GRIK4: variants seen among roughly 807,000 people sequenced by gnomAD.
GRIK4 encodes the protein glutamate ionotropic receptor kainate type subunit 4.
A neutral mutation model predicts 104.9 loss-of-function variants in GRIK4; 40 were observed. That is an observed-to-expected ratio of 0.38 (90% CI 0.30 to 0.50). GRIK4 has a LOEUF of 0.50. Ranked by LOEUF, GRIK4 falls within the 20% of genes least tolerant of loss-of-function variation. GRIK4 has a pLI of 0.93. For missense variants in GRIK4, 1,047 were observed against 1,308.1 expected, an observed-to-expected ratio of 0.80 and a Z score of 3.08; for synonymous variants, 485 against 524.9, an observed-to-expected ratio of 0.92 and a Z score of 1.04.
At chr11:120,673,443 T>C (rs1950052727) in intron 3 of GRIK4, among the ~76,000 whole-genome samples, 1 of 152,226 alleles carries the variant, frequency 6.6e-6, no homozygotes, top group South Asian at 2.1e-4. Flanking sequence ...CCATATTGTC[T>C]GATCCCTGCA....
chr11:120,919,868 A>G (rs1413545264), intron 13 of GRIK4, among the ~76,000 whole-genome samples: 3 of 152,104 alleles, frequency 2.0e-5, no homozygotes, highest in Non-Finnish European at 4.4e-5. Context: ...CTCTGGGATG[A>G]CGGATGGGGA....
intron 4 of GRIK4, among the ~76,000 whole-genome samples, chr11:120,812,179 G>T (rs1280334536): frequency 6.6e-6 from 1 of 152,196 alleles, no homozygotes; most frequent in Non-Finnish European, 1.5e-5. Context: ...TCGGAACCTG[G>T]CCCTTGACCT....
intron 4 of GRIK4, among the ~76,000 whole-genome samples, chr11:120,811,613 C>G (rs1172489106): frequency 6.6e-6 from 1 of 152,154 alleles, no homozygotes; most frequent in Admixed American, 6.5e-5. Flanking sequence ...ATAACATCTT[C>G]TCATAATCAT....
chr11:120,519,988 G>A (rs1947778064), intron 1 of GRIK4, among the ~76,000 whole-genome samples: 1 of 151,458 alleles, frequency 6.6e-6, no homozygotes, highest in African/African-American at 2.4e-5. Flanking sequence ...CGCCTCCTGG[G>A]TTCAAGCGAT....
rs933026248 is a variant in GRIK4, at chr11:120,986,268, G to C, written c.*8G>C. ...AGCAGCGAGCCCGAGTAGTCCCGGA[G>C]GCCACAGGACGCGCAGAGGCCGGGC... On this transcript the variant is annotated 3_prime_UTR_variant, in exon 21 of 21. Coordinates refer to ENST00000527524, the MANE Select transcript of GRIK4 (RefSeq NM_014619.5). 6.4e-7 allele frequency: 1 copy of C among 1,551,516 alleles called. No homozygotes were observed. The highest frequency in any genetic ancestry group is 8.6e-7 in the Non-Finnish European group (1 of 1,159,204).
chr11:120,667,280 A>G (rs1178476252), intron 3 of GRIK4, among the ~76,000 whole-genome samples: 2 of 152,258 alleles, frequency 1.3e-5, no homozygotes, highest in Admixed American at 6.5e-5. Context: ...TTTGGCTCCA[A>G]TCCTTTGGAT....
At chr11:120,516,804 G>A (rs1947731815) in intron 1 of GRIK4, among the ~76,000 whole-genome samples, 1 of 152,168 alleles carries the variant, frequency 6.6e-6, no homozygotes, top group Admixed American at 6.5e-5. Flanking sequence ...GCGATGCGAG[G>A]GGAGTAGGGA....
In GRIK4 at chr11:120,960,959, C is replaced by T; in HGVS notation, c.1925C>T (p.Ala642Val). 6.2e-7 allele frequency: 1 copy of T among 1,614,044 alleles called. No homozygotes were observed. The highest frequency in any genetic ancestry group is 8.5e-7 in the Non-Finnish European group (1 of 1,179,954). Reference protein sequence around the residue: ...IISSYTANLAAFLTVQRMDVP... With the variant: ...IISSYTANLAVFLTVQRMDVP... ...TCATCCTACACGGCCAACCTGGCAG[C>T]CTTCCTGACCGTGCAGCGCATGGAT... Residue 642 changes from alanine (A) to valine (V), a missense_variant, in exon 17 of 21, where the codon GCC becomes GTC. Physicochemically the swap from Ala to Val is moderately conservative, Grantham distance 64 (BLOSUM62 0). Coordinates refer to ENST00000527524, the MANE Select transcript of GRIK4 (RefSeq NM_014619.5).
chr11:120,882,211 G>C (rs1309877035), intron 11 of GRIK4, among the ~76,000 whole-genome samples: 1 of 152,148 alleles, frequency 6.6e-6, no homozygotes, highest in African/African-American at 2.4e-5. Flanking sequence ...TAAGGAGAAG[G>C]GCTATTAAGG....
At chr11:120,585,969 T>C (rs1948658169) in intron 1 of GRIK4, among the ~76,000 whole-genome samples, 1 of 150,782 alleles carries the variant, frequency 6.6e-6, no homozygotes, top group Non-Finnish European at 1.5e-5. Context: ...GAATTCAGAG[T>C]TGTGTTTTAG....
chr11:120,626,750 C>T (rs530406705), intron 1 of GRIK4, among the ~76,000 whole-genome samples: 6 of 152,180 alleles, frequency 3.9e-5, no homozygotes, highest in Non-Finnish European at 8.8e-5. Context: ...TCTGGACACA[C>T]GATGTCTGGA....
intron 13 of GRIK4, among the ~76,000 whole-genome samples, chr11:120,919,318 C>T (rs929473680): frequency 2.0e-5 from 3 of 152,174 alleles, no homozygotes; most frequent in Non-Finnish European, 4.4e-5. Flanking sequence ...GTGACAATCA[C>T]TTAGACCATG....
In GRIK4 at chr11:120,953,614, G is replaced by C. The variant is rs520332; in HGVS notation, c.1700+650G>C. On this transcript the variant is annotated intron_variant, in intron 15 of 20. Transcript: ENST00000527524. The surrounding 1 kb of genome is among the most constrained non-coding windows in gnomAD (Gnocchi z 4.9). The stretch of plus-strand genomic sequence containing the variant: ...GAGACGCACGGGCCAGACCAGGGAG[G>C]GGGGAGAATAAGCCCTGCCCTATCC... 9.2e-5 allele frequency among the ~76,000 whole-genome samples: 14 copies of C among 152,214 alleles called. No homozygotes were observed. The East Asian group carries it at 1.4e-3, about 15-fold the overall frequency.
At chr11:120,557,574 A>G (rs1340115433) in intron 1 of GRIK4, among the ~76,000 whole-genome samples, 4 of 152,216 alleles carry the variant, frequency 2.6e-5, no homozygotes, top group Non-Finnish European at 4.4e-5. Context: ...CCCTGAGCCC[A>G]TTCATCATGT....
intron 1 of GRIK4, among the ~76,000 whole-genome samples, chr11:120,619,409 G>C (rs940297278): frequency 2.0e-5 from 3 of 152,178 alleles, no homozygotes; most frequent in African/African-American, 7.2e-5. Context: ...TTGGACTTTT[G>C]AGTTAATGCT....
intron 1 of GRIK4, among the ~76,000 whole-genome samples, chr11:120,636,427 A>G (rs1384382077): frequency 6.6e-6 from 1 of 152,190 alleles, no homozygotes; most frequent in Non-Finnish European, 1.5e-5. Context: ...GCATTAGTTG[A>G]GTGAAGGAAC....
intron 8 of GRIK4, among the ~76,000 whole-genome samples, chr11:120,856,254 C>G (rs778103358): frequency 4.4e-4 from 67 of 152,330 alleles, no homozygotes; most frequent in Non-Finnish European, 6.8e-4. Flanking sequence ...GAAACCAGGA[C>G]TGTCTTATTT....
At chr11:120,579,081 A>G (rs999676143) in intron 1 of GRIK4, among the ~76,000 whole-genome samples, 3 of 152,182 alleles carry the variant, frequency 2.0e-5, no homozygotes, top group Non-Finnish European at 4.4e-5. Context: ...GTCCAGCCCA[A>G]GTGGCATTTA....
chr11:120,836,821 T>G lies in GRIK4; in HGVS notation c.721T>G (p.Tyr241Asp). 6.2e-7 allele frequency: 1 copy of G among 1,601,520 alleles called. No homozygotes were observed. Among genetic ancestry groups the G allele is most frequent in the Non-Finnish European group, 8.6e-7 (1 of 1,168,426 alleles). The change falls in exon 8 of 21, where the codon TAC (tyrosine) becomes GAC (aspartate). Residue 241 changes from tyrosine to aspartate, a missense_variant. Tyr to Asp is a radical substitution (Grantham distance 160). Coordinates refer to ENST00000527524, the MANE Select transcript of GRIK4 (RefSeq NM_014619.5). ...AAELGMVSAYYTYIFTNLEFS... is the reference protein window; with the variant it reads ...AAELGMVSAYDTYIFTNLEFS... ...CGAACTTGGGATGGTGTCAGCCTAT[T>G]ACACATACATCTTCACTAATCTGGT...
Sources: allele counts gnomAD v4.1 joint callset (sites outside exome capture counted in the v4.1 genomes callset), GRCh38; gene constraint gnomAD v4.1.1; non-coding constraint Gnocchi (gnomAD v3.1); transcripts MANE v1.5; gene names NCBI Gene and HGNC (gene_info 2026-07-23, HGNC 2026-07-21).